The following ZNF704 variants were observed in gnomAD, a reference collection of about 807,000 sequenced individuals.
ZNF704 encodes the protein zinc finger protein 704, also known as glucocorticoid induced gene 1.
In ZNF704, 10 loss-of-function variants were observed where a neutral mutation model predicts 44.7. That is an observed-to-expected ratio of 0.22 (90% CI 0.14 to 0.38). The LOEUF (loss-of-function observed/expected upper bound fraction) is 0.38, where lower values mean the gene tolerates loss of function less well. ZNF704 is among the 10% of genes least tolerant of loss of function. ZNF704 has a pLI of 1.00. For missense variants in ZNF704, 390 were observed against 545.5 expected, an observed-to-expected ratio of 0.71 and a Z score of 2.84; for synonymous variants, 211 against 207.6, an observed-to-expected ratio of 1.02 and a Z score of -0.14.
chr8:80,776,933 G>C (rs1807422808), intron 2 of ZNF704: 1 of 152,164 alleles, frequency 6.6e-6, no homozygotes, highest in Non-Finnish European at 1.5e-5. Context: ...TGAGTAGCTG[G>C]GATGATAGGT....
intron 2 of ZNF704, among the ~76,000 whole-genome samples, chr8:80,791,193 A>G (rs1052703145): frequency 3.9e-5 from 6 of 152,202 alleles, no homozygotes; most frequent in African/African-American, 1.4e-4. Context: ...ATGTAAAAGG[A>G]TATTTTCCAG....
chr8:80,838,719 G>A (rs1190893470), intron 1 of ZNF704, among the ~76,000 whole-genome samples: 1 of 147,588 alleles, frequency 6.8e-6, no homozygotes, highest in African/African-American at 2.6e-5. Flanking sequence ...AGGAGGAAGA[G>A]GGGAGCAGAC....
Position 80,650,509 on chromosome 8 carries a change from C to T in ZNF704, c.1033-7380G>A, listed in dbSNP as rs113356668. Among the ~76,000 whole-genome samples, 297 of 152,182 alleles carry T rather than the reference C, an allele frequency of 2.0e-3. 1 individual carries two copies. The highest frequency in any genetic ancestry group is 6.8e-3 in the African/African-American group (283 of 41,510). On this transcript the variant is annotated intron_variant, in intron 7 of 8. Coordinates refer to ENST00000327835, the MANE Select transcript of ZNF704 (RefSeq NM_001033723.3). Reference sequence around the variant, plus strand: ...ACTGAAAACCAAGGCGCAAGAACTACGTGACGAATGCACAAGCCTCAGTAG... The same window carrying T: ...ACTGAAAACCAAGGCGCAAGAACTATGTGACGAATGCACAAGCCTCAGTAG...
At chr8:80,752,404 T>C (rs1434028933) in intron 2 of ZNF704, among the ~76,000 whole-genome samples, 1 of 152,118 alleles carries the variant, frequency 6.6e-6, no homozygotes. Flanking sequence ...TCCATCCCTT[T>C]GGGGCAATCT....
chr8:80,803,221 T>C (rs1033235304), intron 2 of ZNF704, among the ~76,000 whole-genome samples: 4 of 152,232 alleles, frequency 2.6e-5, no homozygotes, highest in African/African-American at 9.6e-5. Flanking sequence ...TCCATGCTCA[T>C]GGATAGGAAG....
intron 7 of ZNF704, among the ~76,000 whole-genome samples, chr8:80,652,274 A>C (rs1195232527): frequency 2.0e-5 from 3 of 152,130 alleles, no homozygotes; most frequent in Middle Eastern, 3.2e-3. Flanking sequence ...AAGCAAGAGC[A>C]AACACATTCA....
At chr8:80,836,348 T>C (rs1808582678) in intron 1 of ZNF704, among the ~76,000 whole-genome samples, 1 of 152,194 alleles carries the variant, frequency 6.6e-6, no homozygotes, top group Non-Finnish European at 1.5e-5. Flanking sequence ...GATACCCACA[T>C]TGCTTGCTTC....
intron 7 of ZNF704, among the ~76,000 whole-genome samples, chr8:80,644,682 A>G (rs1817799395): frequency 6.6e-6 from 1 of 152,190 alleles, no homozygotes; most frequent in Admixed American, 6.5e-5. Flanking sequence ...CTGGATACAG[A>G]ACACATCGTG....
At chr8:80,711,714 A>T (rs56058286) in intron 2 of ZNF704, among the ~76,000 whole-genome samples, 6,578 of 152,268 alleles carry the variant, frequency 0.043, 504 homozygotes, top group African/African-American at 0.15. Context: ...ATGCTGGAGA[A>T]ATTAAAAGGG....
intron 1 of ZNF704, among the ~76,000 whole-genome samples, chr8:80,846,504 G>A (rs1267646004): frequency 6.6e-6 from 1 of 151,906 alleles, no homozygotes; most frequent in Admixed American, 6.6e-5. Context: ...GGTTTAATGG[G>A]GAAGGACTCT....
At chr8:80,727,634 C>T (rs1399794275) in intron 2 of ZNF704, among the ~76,000 whole-genome samples, 2 of 151,918 alleles carry the variant, frequency 1.3e-5, no homozygotes, top group African/African-American at 2.4e-5. Context: ...GCTTGGAGGA[C>T]GCACATCATA....
intron 2 of ZNF704, among the ~76,000 whole-genome samples, chr8:80,719,374 G>A (rs1256268955): frequency 6.6e-6 from 1 of 152,102 alleles, no homozygotes; most frequent in African/African-American, 2.4e-5. Context: ...CTACCTAGTG[G>A]GCTTCATGTG....
At chr8:80,736,020 T>A (rs1251690186) in intron 2 of ZNF704, among the ~76,000 whole-genome samples, 1 of 152,218 alleles carries the variant, frequency 6.6e-6, no homozygotes, top group East Asian at 1.9e-4. Context: ...ACAAATAGTA[T>A]GCTTCCTGCC....
intron 2 of ZNF704, among the ~76,000 whole-genome samples, chr8:80,801,526 C>A (rs1563558246): frequency 6.6e-6 from 1 of 152,140 alleles, no homozygotes; most frequent in African/African-American, 2.4e-5. Context: ...CAAAATCACA[C>A]AACTACATGG....
Position 80,679,479 on chromosome 8 carries a change from G to A in ZNF704, c.558+7747C>T, listed in dbSNP as rs529568500. Among the ~76,000 whole-genome samples, 4 of 151,748 alleles carry A rather than the reference G, an allele frequency of 2.6e-5. No individual in the cohort carries two copies. In the South Asian group the frequency reaches 6.2e-4, roughly 24 times the overall value. On this transcript the variant is annotated intron_variant, in intron 4 of 8. Coordinates refer to ENST00000327835, the MANE Select transcript of ZNF704 (RefSeq NM_001033723.3). ...CAAGCAAAGCTTCTGGCAGAGTTGC[G>A]GCAGCCAAATCTGAATGGTCCCATC...
chr8:80,798,146 C>T (rs1807838507), intron 2 of ZNF704, among the ~76,000 whole-genome samples: 1 of 152,078 alleles, frequency 6.6e-6, no homozygotes, highest in South Asian at 2.1e-4. Flanking sequence ...TAGACATGGA[C>T]ACAATGCAGC....
In ZNF704 at chr8:80,649,317, G is replaced by A. The variant is rs115987653; in HGVS notation, c.1033-6188C>T. Among the ~76,000 whole-genome samples the A allele has an allele frequency of 3.0e-3, 450 of 152,288 alleles. 2 individuals are homozygous for A. The highest frequency in any genetic ancestry group is 0.01 in the African/African-American group (429 of 41,562). On this transcript the variant is annotated intron_variant, in intron 7 of 8. Coordinates refer to ENST00000327835, the MANE Select transcript of ZNF704 (RefSeq NM_001033723.3). ...CACTGGGAAGTGTCAGATAGTGGGTGCACGACAGTGGGTGCAGCACACCGA... is the reference window on the plus strand; with the variant it reads ...CACTGGGAAGTGTCAGATAGTGGGTACACGACAGTGGGTGCAGCACACCGA...
At chr8:80,734,223 A>G (rs1806628264) in intron 2 of ZNF704, among the ~76,000 whole-genome samples, 1 of 152,234 alleles carries the variant, frequency 6.6e-6, no homozygotes, top group Non-Finnish European at 1.5e-5. Context: ...TCTTCAGAGA[A>G]GGACACAGAC....
rs189202464 is a variant in ZNF704, at chr8:80,735,739, T to C, written c.222-42632A>G. 3.3e-5 allele frequency among the ~76,000 whole-genome samples: 5 copies of C among 152,276 alleles called. 1 individual carries two copies. The East Asian group carries it at 5.8e-4, about 18-fold the overall frequency. The stretch of plus-strand genomic sequence containing the variant: ...CCATGGGTTATACAATGGGATGAAA[T>C]GATAAACTCCTCCACACTAATTGTA... On this transcript the variant is annotated intron_variant, in intron 2 of 8. Coordinates refer to ENST00000327835, the MANE Select transcript of ZNF704 (RefSeq NM_001033723.3).
Sources: gnomAD v4.1 joint callset for allele counts (sites outside exome capture counted in the v4.1 genomes callset) on GRCh38, gnomAD v4.1.1 for gene constraint, MANE v1.5 for transcripts, NCBI Gene and HGNC (gene_info 2026-07-23, HGNC 2026-07-21) for gene names.